LRRC7: variants seen among roughly 807,000 people sequenced by gnomAD.
LRRC7 encodes leucine rich repeat containing 7.
A neutral mutation model predicts 175.7 loss-of-function variants in LRRC7; 23 were observed. The ratio of observed to expected loss-of-function variants is 0.13; its 90% CI spans 0.09 to 0.19. The LOEUF (loss-of-function observed/expected upper bound fraction) is 0.19. Ranked by LOEUF, LRRC7 falls within the 10% of genes least tolerant of loss-of-function variation. The pLI, the probability that LRRC7 is intolerant of heterozygous loss-of-function variation, is 1.00. For missense variants in LRRC7, 1,354 were observed against 1,904.7 expected (o/e 0.71, Z 5.38); for synonymous variants, 685 against 680.9 (o/e 1.01, Z -0.09).
intron 1 of LRRC7, among the ~76,000 whole-genome samples, chr1:69,593,927 C>G (rs1239441209): frequency 6.6e-6 from 1 of 152,174 alleles, no homozygotes; most frequent in Non-Finnish European, 1.5e-5. Flanking sequence ...CAATCTATCC[C>G]TAGGCAGTAT....
chr1:70,073,741 C>A (rs956620793), intron 23 of LRRC7, among the ~76,000 whole-genome samples: 1 of 152,182 alleles, frequency 6.6e-6, no homozygotes, highest in South Asian at 2.1e-4. Context: ...GCTGAAGACC[C>A]ATGAATATTC....
intron 4 of LRRC7, among the ~76,000 whole-genome samples, chr1:69,792,522 C>T (rs1479512867): frequency 1.3e-5 from 2 of 151,968 alleles, no homozygotes; most frequent in African/African-American, 4.8e-5. Flanking sequence ...CCTGTTCACC[C>T]TATTTGAAAA....
intron 2 of LRRC7, 67 bp from the exon 3 acceptor site, chr1:69,760,124 T>C: frequency 6.6e-7 from 1 of 1,519,810 alleles, no homozygotes; most frequent in Non-Finnish European, 9.0e-7. Flanking sequence ...CTTTAAATAT[T>C]ACAAGAATGC....
intron 2 of LRRC7, among the ~76,000 whole-genome samples, chr1:69,755,716 T>C (rs1290725008): frequency 1.3e-5 from 2 of 151,850 alleles, no homozygotes; most frequent in African/African-American, 4.8e-5. Flanking sequence ...AGACTTAGTA[T>C]TGAAAATAGG....
chr1:69,628,716 C>T (rs1372153146), intron 1 of LRRC7, among the ~76,000 whole-genome samples: 1 of 152,062 alleles, frequency 6.6e-6, no homozygotes, highest in East Asian at 1.9e-4. Context: ...GTACTGAACT[C>T]CAACTACTAT....
chr1:69,813,113 T>C (rs546892808), intron 4 of LRRC7, among the ~76,000 whole-genome samples: 23 of 152,202 alleles, frequency 1.5e-4, no homozygotes, highest in Middle Eastern at 3.4e-3. Flanking sequence ...CACCAATCCA[T>C]TATATTGGCA....
intron 1 of LRRC7, among the ~76,000 whole-genome samples, chr1:69,674,680 T>C (rs1428743525): frequency 1.3e-5 from 2 of 152,124 alleles, no homozygotes; most frequent in Non-Finnish European, 2.9e-5. Flanking sequence ...TTAAATCTTA[T>C]TGATAAAAAA....
At chr1:69,983,335 T>C (rs759991545) in intron 9 of LRRC7, among the ~76,000 whole-genome samples, 4 of 152,216 alleles carry the variant, frequency 2.6e-5, no homozygotes, top group Non-Finnish European at 5.9e-5. Context: ...TAAGGATATG[T>C]GCCCTCCAAA....
intron 2 of LRRC7, among the ~76,000 whole-genome samples, chr1:69,686,322 G>A (rs571210582): frequency 6.1e-4 from 93 of 152,232 alleles, no homozygotes; most frequent in African/African-American, 2.2e-3. Flanking sequence ...GTAAAGAACA[G>A]TAGAATGAAT....
chr1:69,964,101 C>A (rs1345091179), intron 8 of LRRC7, among the ~76,000 whole-genome samples: 1 of 152,086 alleles, frequency 6.6e-6, no homozygotes, highest in African/African-American at 2.4e-5. Context: ...TCATATTTTA[C>A]AAAACAAAGA....
At chr1:69,752,033 GA>G (rs996077606) in intron 2 of LRRC7, among the ~76,000 whole-genome samples, 1 of 152,010 alleles carries the variant, frequency 6.6e-6, no homozygotes, top group African/African-American at 2.4e-5. Flanking sequence ...GTGATAAGAT[GA>G]AAACAAACCC....
At chr1:69,763,849 T>C (rs1161119456) in intron 3 of LRRC7, among the ~76,000 whole-genome samples, 3 of 152,076 alleles carry the variant, frequency 2.0e-5, no homozygotes, top group African/African-American at 7.2e-5. Context: ...TGTTGAGTAA[T>C]AAGATAGCCA....
At chr1:69,897,631 T>G (rs975679287) in intron 7 of LRRC7, among the ~76,000 whole-genome samples, 1 of 152,192 alleles carries the variant, frequency 6.6e-6, no homozygotes, top group African/African-American at 2.4e-5. Context: ...TAGAATCAAT[T>G]TATGCTACGG....
chr1:69,699,729 C>A (rs1026373781), intron 2 of LRRC7, among the ~76,000 whole-genome samples: 2 of 152,214 alleles, frequency 1.3e-5, no homozygotes, highest in South Asian at 2.1e-4. Context: ...GATGGCCCCA[C>A]ACAAGTTATC....
intron 10 of LRRC7, among the ~76,000 whole-genome samples, chr1:69,988,647 A>T (rs1654157750): frequency 6.6e-6 from 1 of 152,168 alleles, no homozygotes; most frequent in African/African-American, 2.4e-5. Context: ...GTGAAAAGGG[A>T]CTGAAAAATT....
intron 25 of LRRC7, among the ~76,000 whole-genome samples, chr1:70,100,190 C>T (rs1664712312): frequency 6.6e-6 from 1 of 151,992 alleles, no homozygotes; most frequent in Non-Finnish European, 1.5e-5. Context: ...TTAGCACTTA[C>T]GTTCAAATTA....
rs34579269 is a variant in LRRC7 at position 69,799,102 on chromosome 1, GTT to G, written c.421+6957_421+6958del. Among the ~76,000 whole-genome samples, 130 of 136,112 alleles carry G rather than the reference GTT, an allele frequency of 9.6e-4. 1 individual carries two copies. The highest frequency in any genetic ancestry group is 3.9e-3 in the Middle Eastern group (1 of 258). 89.3% of individuals were successfully genotyped at this position (136,112 alleles called of 152,430 possible). Reference sequence around the variant, plus strand: ...AAAGATTTATATACTCTGAATGCTAGTTTTTTTTTTTTTTTTGATTATGTGGG... The same window carrying G: ...AAAGATTTATATACTCTGAATGCTAGTTTTTTTTTTTTTTGATTATGTGGG... On this transcript the variant is annotated intron_variant, in intron 4 of 26. Coordinates refer to ENST00000651989, the MANE Select transcript of LRRC7 (RefSeq NM_001370785.2).
chr1:69,749,987 G>A (rs1669668325), intron 2 of LRRC7, among the ~76,000 whole-genome samples: 1 of 151,866 alleles, frequency 6.6e-6, no homozygotes, highest in African/African-American at 2.4e-5. Flanking sequence ...CTTGAACCCG[G>A]GAGGTGGAGG....
At chr1:69,929,663 A>C (rs1354321095) in intron 7 of LRRC7, among the ~76,000 whole-genome samples, 1 of 152,222 alleles carries the variant, frequency 6.6e-6, no homozygotes, top group African/African-American at 2.4e-5. Context: ...GACTTATTAC[A>C]TTAGCCTTCT....
Sources: allele counts gnomAD v4.1 joint callset (sites outside exome capture counted in the v4.1 genomes callset), GRCh38; gene constraint gnomAD v4.1.1; transcripts MANE v1.5; gene names NCBI Gene and HGNC (gene_info 2026-07-23, HGNC 2026-07-21).